Variants in HTR2C observed in about 807,000 individuals in gnomAD.
HTR2C encodes 5-hydroxytryptamine receptor 2C, also known as 5-hydroxytryptamine (serotonin) receptor 2C, G protein-coupled.
Under a neutral mutation model 21.0 loss-of-function variants are expected in HTR2C, and 5 were observed. The observed-to-expected ratio is 0.24, with a 90% CI of 0.12 to 0.50. The LOEUF is 0.50. Among genes scored for constraint, HTR2C ranks in the 20% least tolerant of loss-of-function variants. HTR2C has a pLI of 0.98. For missense variants in HTR2C, 271 were observed against 371.2 expected, an observed-to-expected ratio of 0.73 and a Z score of 2.22; for synonymous variants, 150 against 145.3, an observed-to-expected ratio of 1.03 and a Z score of -0.23.
At chrX:114,584,829 G>A (rs782087640) in intron 1 of HTR2C, among the ~76,000 whole-genome samples, 170 bp downstream of exon 1, 140 of 110,533 alleles carry the variant, frequency 1.3e-3, no homozygotes, top group African/African-American at 4.4e-3. Context: ...AGGAGACTGA[G>A]TCTCTGGAAG....
intron 1 of HTR2C, among the ~76,000 whole-genome samples, chrX:114,594,021 T>C (rs1301687208): frequency 8.9e-6 from 1 of 112,057 alleles, no homozygotes; most frequent in Non-Finnish European, 1.9e-5. Flanking sequence ...TTCTGAGTGA[T>C]TGAAGACATG....
chrX:114,615,623 G>A (rs782420646), intron 2 of HTR2C, among the ~76,000 whole-genome samples: 140 of 111,894 alleles, frequency 1.3e-3, no homozygotes, highest in Non-Finnish European at 2.3e-3. Flanking sequence ...GCCTCGCCTG[G>A]TAGTAAAGAC....
intron 1 of HTR2C, among the ~76,000 whole-genome samples, chrX:114,590,222 G>A (rs498177): frequency 0.48 from 53,156 of 110,673 alleles, 11,204 homozygotes; most frequent in East Asian, 0.77. Context: ...ACCATACTTG[G>A]AAAAATTCTA....
chrX:114,814,143 A>G (rs1034081628), intron 4 of HTR2C, among the ~76,000 whole-genome samples: 25 of 110,359 alleles, frequency 2.3e-4, no homozygotes, highest in African/African-American at 7.6e-4. Context: ...CAAGACAGAC[A>G]AAAGTATACA....
At chrX:114,845,238 A>C (rs2070864846) in intron 4 of HTR2C, among the ~76,000 whole-genome samples, 2 of 111,266 alleles carry the variant, frequency 1.8e-5, no homozygotes, top group African/African-American at 6.5e-5. Context: ...AAATTTACAA[A>C]TATGCAAAAA....
chrX:114,655,314 C>T (rs1930741472), intron 2 of HTR2C, among the ~76,000 whole-genome samples: 1 of 111,265 alleles, frequency 9.0e-6, no homozygotes, highest in South Asian at 3.7e-4. Flanking sequence ...TACCATGGCA[C>T]TATTTCTGTT....
intron 1 of HTR2C, among the ~76,000 whole-genome samples, chrX:114,587,487 T>A (rs1927449832): frequency 8.9e-6 from 1 of 112,194 alleles, no homozygotes; most frequent in African/African-American, 3.2e-5. Context: ...GAAAACTTCA[T>A]CATAAATTGA....
intron 4 of HTR2C, among the ~76,000 whole-genome samples, chrX:114,826,663 A>G (rs2070680839): frequency 8.9e-6 from 1 of 111,822 alleles, no homozygotes; most frequent in Admixed American, 9.5e-5. Flanking sequence ...CTCAGCTTGT[A>G]CAACTATCTA....
At chrX:114,737,324 T>C (rs2069601229) in intron 4 of HTR2C, among the ~76,000 whole-genome samples, 1 of 108,266 alleles carries the variant, frequency 9.2e-6, no homozygotes, top group Non-Finnish European at 1.9e-5. Context: ...CCTCCTGGGT[T>C]CGAGTGATTC....
chrX:114,591,700 G>A (rs1927640791), intron 1 of HTR2C, among the ~76,000 whole-genome samples: 1 of 111,933 alleles, frequency 8.9e-6, no homozygotes, highest in Admixed American at 9.5e-5. Context: ...AGAAAAGCCT[G>A]TAAGAATTAT....
intron 2 of HTR2C, among the ~76,000 whole-genome samples, chrX:114,673,418 C>T (rs1240139278): frequency 4.5e-5 from 5 of 111,450 alleles, no homozygotes; most frequent in East Asian, 2.8e-4. Flanking sequence ...ATGATTCAAC[C>T]TTTCCTTCCC....
chrX:114,737,553 A>G (rs1458667347), intron 4 of HTR2C, among the ~76,000 whole-genome samples: 1 of 111,812 alleles, frequency 8.9e-6, no homozygotes, highest in African/African-American at 3.2e-5. Flanking sequence ...TTCACAAAAT[A>G]GAAAATTGCT....
chrX:114,631,354 T>C (rs1019612293), intron 2 of HTR2C, among the ~76,000 whole-genome samples: 1 of 110,097 alleles, frequency 9.1e-6, no homozygotes, highest in Admixed American at 9.7e-5. Context: ...TAATAGAAGA[T>C]ACTCAGTAAA....
At chrX:114,714,799 G>T (rs1481744788) in intron 2 of HTR2C, among the ~76,000 whole-genome samples, 6 of 111,358 alleles carry the variant, frequency 5.4e-5, no homozygotes, top group Non-Finnish European at 1.1e-4. Context: ...AAACAGTGAG[G>T]CTCAAAAAGT....
intron 2 of HTR2C, among the ~76,000 whole-genome samples, chrX:114,718,616 T>C (rs897982364): frequency 1.8e-5 from 2 of 111,488 alleles, no homozygotes; most frequent in Non-Finnish European, 3.8e-5. Flanking sequence ...GCAACTGTAG[T>C]TACTGTTATT....
intron 4 of HTR2C, among the ~76,000 whole-genome samples, chrX:114,738,240 G>T (rs1012051418): frequency 9.0e-6 from 1 of 111,085 alleles, no homozygotes; most frequent in Non-Finnish European, 1.9e-5. Flanking sequence ...TAATAATATT[G>T]TATTGCATGC....
intron 3 of HTR2C, among the ~76,000 whole-genome samples, chrX:114,727,776 C>G (rs1363017276): frequency 9.0e-6 from 1 of 111,637 alleles, no homozygotes; most frequent in African/African-American, 3.3e-5. Context: ...AACATTGGAT[C>G]CTCTGCAGTG....
At position 114,908,178 on chromosome X, in the gene HTR2C, T is replaced by G. The variant is rs199751775; in HGVS notation, c.*763T>G. Reference sequence around the variant, plus strand: ...GATTATTACAACAAGCAAACTGAAATTAGTGTTTTCATTCTGGTCCTTAGT... The same window carrying G: ...GATTATTACAACAAGCAAACTGAAAGTAGTGTTTTCATTCTGGTCCTTAGT... On this transcript the variant is annotated 3_prime_UTR_variant, in exon 6 of 6. Transcript: ENST00000276198. 4 of 112,369 alleles carry G rather than the reference T, an allele frequency of 3.6e-5. No individual in the cohort carries two copies. The highest frequency in any genetic ancestry group is 3.8e-5 in the Non-Finnish European group (2 of 53,170). The allele number at this position is 112,369 out of a possible 1,213,427, so 9.3% of individuals were successfully genotyped here.
intron 2 of HTR2C, among the ~76,000 whole-genome samples, chrX:114,635,521 G>A (rs781932150): frequency 3.6e-5 from 4 of 111,917 alleles, no homozygotes; most frequent in Non-Finnish European, 5.6e-5. Flanking sequence ...CTCTTGTCCT[G>A]CTCTTCCACT....
Sources: gnomAD v4.1 joint callset for allele counts (sites outside exome capture counted in the v4.1 genomes callset) on GRCh38, gnomAD v4.1.1 for gene constraint, MANE v1.5 for transcripts, NCBI Gene and HGNC (gene_info 2026-07-23, HGNC 2026-07-21) for gene names.